The following XIRP2 variants were observed in gnomAD, a reference collection of about 807,000 sequenced individuals.
The protein encoded by XIRP2 is xin actin binding repeat containing 2.
Under a neutral mutation model 277.0 loss-of-function variants are expected in XIRP2, and 236 were observed. That is an observed-to-expected ratio of 0.85 (90% CI 0.77 to 0.95). XIRP2 has a LOEUF of 0.95. Ranked by LOEUF, XIRP2 falls within the 40% of genes least tolerant of loss-of-function variation. XIRP2 has a pLI of 0.00. For missense variants in XIRP2, 4,640 were observed against 4,157.5 expected (o/e 1.12, Z -3.19); for synonymous variants, 1,490 against 1,416.5 (o/e 1.05, Z -1.17).
At chr2:167,140,199 T>C (rs534620603) in intron 3 of XIRP2, among the ~76,000 whole-genome samples, 93 of 152,348 alleles carry the variant, frequency 6.1e-4, no homozygotes, top group Non-Finnish European at 1.1e-3. Flanking sequence ...CTTTTCAATG[T>C]GCTGATAAAG....
chr2:167,084,888 A>G (rs937589584), intron 2 of XIRP2, among the ~76,000 whole-genome samples: 3 of 151,010 alleles, frequency 2.0e-5, no homozygotes, highest in African/African-American at 7.3e-5. Flanking sequence ...CTTTCAAAAA[A>G]CCAGCTCCTG....
intron 4 of XIRP2, among the ~76,000 whole-genome samples, chr2:167,211,548 T>C (rs1420541283): frequency 6.6e-6 from 1 of 152,268 alleles, no homozygotes; most frequent in East Asian, 1.9e-4. Flanking sequence ...ATTATCATCA[T>C]TAGCACTTAA....
At chr2:167,241,667 C>T (rs1695070150) in intron 7 of XIRP2, 110 bp from the exon 8 acceptor site, 10 of 1,295,258 alleles carry the variant, frequency 7.7e-6, no homozygotes, top group Non-Finnish European at 1.0e-5. Context: ...ACCTCAGTCT[C>T]CCAAAGTATT....
At chr2:167,009,683 A>G (rs1175921955) in intron 2 of XIRP2, among the ~76,000 whole-genome samples, 1 of 152,040 alleles carries the variant, frequency 6.6e-6, no homozygotes, top group Non-Finnish European at 1.5e-5. Context: ...TCCCACCAAC[A>G]GTGTAAAAGT....
At chr2:167,103,093 C>G (rs945972171) in intron 2 of XIRP2, among the ~76,000 whole-genome samples, 1 of 151,762 alleles carries the variant, frequency 6.6e-6, no homozygotes, top group Admixed American at 6.6e-5. Context: ...CAGTTCAGAT[C>G]GCGCCACTAC....
Position 167,258,673 on chromosome 2 carries a change from T to C in XIRP2, c.*856T>C. On this transcript the variant is annotated 3_prime_UTR_variant, in exon 11 of 11. Coordinates refer to ENST00000409195, the MANE Select transcript of XIRP2 (RefSeq NM_152381.6). ...AAGAAAATTTGAATAAGAATAATAATAACAATTATGTAGCAGTCTCATATC... is the reference window on the plus strand; with the variant it reads ...AAGAAAATTTGAATAAGAATAATAACAACAATTATGTAGCAGTCTCATATC... 1 of 1,611,632 alleles carries C rather than the reference T, an allele frequency of 6.2e-7. No homozygotes were observed. The highest frequency in any genetic ancestry group is 8.5e-7 in the Non-Finnish European group (1 of 1,179,004).
At chr2:167,069,327 C>T (rs1689380739) in intron 2 of XIRP2, among the ~76,000 whole-genome samples, 1 of 152,106 alleles carries the variant, frequency 6.6e-6, no homozygotes, top group African/African-American at 2.4e-5. Context: ...GTACTGAGGG[C>T]CATGTGCAGT....
At chr2:167,110,657 C>T (rs948169174) in intron 2 of XIRP2, among the ~76,000 whole-genome samples, 55 of 151,924 alleles carry the variant, frequency 3.6e-4, no homozygotes, top group African/African-American at 1.1e-3. Context: ...GCTACTTGGA[C>T]TTTTTTTTAT....
Position 167,091,439 on chromosome 2 carries a change from C to T in XIRP2, c.409-44470C>T, listed in dbSNP as rs145438561. ...TTCTGACTTATCATTCACTAACTTC[C>T]TCTTCAACTATGTCTAATCTCATTT... is the stretch of plus-strand genomic sequence containing the variant. On this transcript the variant is annotated intron_variant, in intron 2 of 10. Transcript: ENST00000409195. 6.1e-3 allele frequency among the ~76,000 whole-genome samples: 928 copies of T among 152,162 alleles called. 12 individuals carry two copies. Among genetic ancestry groups the T allele is most frequent in the African/African-American group, 0.021 (881 of 41,494 alleles).
At chr2:166,930,025 T>G (rs1685287447) in intron 2 of XIRP2, among the ~76,000 whole-genome samples, 1 of 152,198 alleles carries the variant, frequency 6.6e-6, no homozygotes, top group Admixed American at 6.6e-5. Flanking sequence ...GGATTCAGAA[T>G]CACTGACCTG....
chr2:166,939,218 A>T (rs1204841704), intron 2 of XIRP2, among the ~76,000 whole-genome samples: 2 of 152,160 alleles, frequency 1.3e-5, no homozygotes, highest in Non-Finnish European at 2.9e-5. Flanking sequence ...ATGTTTTTGC[A>T]GTGGCTGGTA....
chr2:166,952,204 G>A (rs1558928225), intron 2 of XIRP2, among the ~76,000 whole-genome samples: 1 of 151,946 alleles, frequency 6.6e-6, no homozygotes, highest in Non-Finnish European at 1.5e-5. Flanking sequence ...GCTGGCATGT[G>A]TGTCACCCAG....
chr2:167,098,994 G>T (rs1167823459), intron 2 of XIRP2, among the ~76,000 whole-genome samples: 1 of 152,142 alleles, frequency 6.6e-6, no homozygotes, highest in Non-Finnish European at 1.5e-5. Context: ...CCTGCTAGGA[G>T]GTGTCTCCCA....
chr2:167,072,053 T>C (rs1031733647), intron 2 of XIRP2, among the ~76,000 whole-genome samples: 48 of 152,136 alleles, frequency 3.2e-4, no homozygotes, highest in African/African-American at 1.1e-3. Flanking sequence ...TTAAAAATAA[T>C]GATCATTTAA....
intron 5 of XIRP2, among the ~76,000 whole-genome samples, chr2:167,234,786 T>A (rs1479870998): frequency 6.6e-6 from 1 of 151,822 alleles, no homozygotes; most frequent in Non-Finnish European, 1.5e-5. Flanking sequence ...TTAATGTTAT[T>A]TTCCTATTTT....
chr2:167,161,777 C>T (rs1180373204), intron 3 of XIRP2, among the ~76,000 whole-genome samples: 1 of 152,192 alleles, frequency 6.6e-6, no homozygotes, highest in Non-Finnish European at 1.5e-5. Context: ...ATTACTTATG[C>T]AAATTTCTGC....
chr2:166,963,708 A>G (rs984333437), intron 2 of XIRP2, among the ~76,000 whole-genome samples: 5 of 151,990 alleles, frequency 3.3e-5, no homozygotes, highest in South Asian at 2.1e-4. Context: ...AGACCAGCAT[A>G]GCTGAAGCAG....
At chr2:167,252,607 G>A (rs4458185) in intron 9 of XIRP2, among the ~76,000 whole-genome samples, 152,045 of 152,056 alleles carry the variant, frequency 1, 76,017 homozygotes, top group Non-Finnish European at 1. Context: ...CGTAAACAAT[G>A]CATTTAAAAA....
At chr2:167,119,907 C>T (rs1031800751) in intron 2 of XIRP2, among the ~76,000 whole-genome samples, 1 of 152,188 alleles carries the variant, frequency 6.6e-6, no homozygotes, top group Non-Finnish European at 1.5e-5. Flanking sequence ...CTCCTTCTCC[C>T]TTTCAGCATC....
Sources: allele counts gnomAD v4.1 joint callset (sites outside exome capture counted in the v4.1 genomes callset), GRCh38; gene constraint gnomAD v4.1.1; transcripts MANE v1.5; gene names NCBI Gene and HGNC (gene_info 2026-07-23, HGNC 2026-07-21).